PRKN: variants seen among roughly 807,000 people sequenced by gnomAD.
PRKN encodes the protein parkin RBR E3 ubiquitin protein ligase.
Under a neutral mutation model 59.5 loss-of-function variants are expected in PRKN, and 56 were observed. The observed-to-expected ratio is 0.94, with a 90% CI of 0.76 to 1.18. PRKN has a LOEUF of 1.18. PRKN is among the 50% of genes most tolerant of loss of function. PRKN has a pLI of 0.00. For synonymous variants in PRKN, 250 were observed against 222.1 expected, an observed-to-expected ratio of 1.13 and a Z score of -1.12; for missense variants, 657 against 596.4, an observed-to-expected ratio of 1.10 and a Z score of -1.06.
chr6:162,310,204 A>T (rs1782431668), intron 2 of PRKN, among the ~76,000 whole-genome samples: 1 of 152,164 alleles, frequency 6.6e-6, no homozygotes, highest in Non-Finnish European at 1.5e-5. Context: ...AACTTAGGAT[A>T]CTTCCCTCAT....
intron 1 of PRKN, among the ~76,000 whole-genome samples, chr6:162,627,625 T>TG (rs1255572544): frequency 6.6e-6 from 1 of 151,956 alleles, no homozygotes; most frequent in African/African-American, 2.4e-5. Context: ...AAGGGTAAAA[T>TG]GGGGCAGTTA....
intron 4 of PRKN, among the ~76,000 whole-genome samples, chr6:162,082,330 G>A (rs543701490): frequency 1.3e-5 from 2 of 152,148 alleles, no homozygotes; most frequent in Admixed American, 6.5e-5. Flanking sequence ...GGAACTGTAA[G>A]TGCATTCAAC....
At chr6:161,639,012 G>A (rs1783636633) in intron 7 of PRKN, among the ~76,000 whole-genome samples, 1 of 152,124 alleles carries the variant, frequency 6.6e-6, no homozygotes, top group Non-Finnish European at 1.5e-5. Flanking sequence ...AAAGTGCTGG[G>A]ATTACAGGCG....
At chr6:162,552,452 A>T (rs1779369814) in intron 1 of PRKN, among the ~76,000 whole-genome samples, 1 of 152,080 alleles carries the variant, frequency 6.6e-6, no homozygotes, top group Non-Finnish European at 1.5e-5. Flanking sequence ...ATTTCTGTGG[A>T]TGGATTGGAT....
At position 161,372,994 on chromosome 6, in the gene PRKN, A is replaced by T. The variant is rs751151210; in HGVS notation, c.1168-12789T>A. Among the ~76,000 whole-genome samples, 13 of 151,898 alleles carry T rather than the reference A, an allele frequency of 8.6e-5. No individual in the cohort carries two copies. In the South Asian group the frequency reaches 2.7e-3, roughly 32 times the overall value. ...CTGATCTTTAAAAAATATTTTTTGT[A>T]GAGATGGGGTCTCACTTTGTTGCCC... On this transcript the variant is annotated intron_variant, in intron 10 of 11. Transcript: ENST00000366898. This position sits in a 1 kb window ranked among gnomAD's most constrained non-coding sequence, Gnocchi z 4.2.
intron 5 of PRKN, among the ~76,000 whole-genome samples, chr6:161,976,421 G>T (rs1336093654): frequency 6.6e-6 from 1 of 152,204 alleles, no homozygotes; most frequent in African/African-American, 2.4e-5. Flanking sequence ...TGTCCAGTGT[G>T]TGTGATGGGC....
At chr6:161,430,996 C>T (rs1364080117) in intron 9 of PRKN, among the ~76,000 whole-genome samples, 2 of 151,210 alleles carry the variant, frequency 1.3e-5, no homozygotes, top group South Asian at 2.1e-4. Flanking sequence ...AAAATTAGCA[C>T]GGCACAGTGG....
chr6:161,958,182 A>G (rs1780252223), intron 6 of PRKN, among the ~76,000 whole-genome samples: 1 of 152,194 alleles, frequency 6.6e-6, no homozygotes, highest in South Asian at 2.1e-4. Flanking sequence ...AGACGCTTGC[A>G]TTTATTTTAA....
intron 3 of PRKN, among the ~76,000 whole-genome samples, chr6:162,244,858 G>A (rs1779136521): frequency 6.6e-6 from 1 of 151,972 alleles, no homozygotes; most frequent in Non-Finnish European, 1.5e-5. Flanking sequence ...ATATCTTTTA[G>A]CTATGACAGT....
At chr6:161,543,752 C>G (rs377377123) in intron 9 of PRKN, among the ~76,000 whole-genome samples, 6 of 151,892 alleles carry the variant, frequency 4.0e-5, no homozygotes, top group African/African-American at 1.5e-4. Context: ...CATGTAATAC[C>G]CCAAGATAAT....
Position 161,554,493 on chromosome 6 carries a change from T to G in PRKN, c.934-5490A>C, listed in dbSNP as rs1025786255. ...TTGATGTTTTCCCAGTAATTTTGAT[T>G]GCTTGAATCTTGTTCTCTAGTAAAT... On this transcript the variant is annotated intron_variant, in intron 8 of 11. Coordinates refer to ENST00000366898, the MANE Select transcript of PRKN (RefSeq NM_004562.3). This position sits in a 1 kb window ranked among gnomAD's most constrained non-coding sequence, Gnocchi z 4.5. 4.6e-5 allele frequency among the ~76,000 whole-genome samples: 7 copies of G among 151,972 alleles called. No individual in the cohort carries two copies. The South Asian group carries it at 6.2e-4, about 14-fold the overall frequency.
intron 6 of PRKN, among the ~76,000 whole-genome samples, chr6:161,800,747 A>C (rs756170132): frequency 2.6e-5 from 4 of 152,210 alleles, no homozygotes; most frequent in Non-Finnish European, 5.9e-5. Flanking sequence ...TCAGATATTT[A>C]GGAACTAAAA....
At chr6:161,855,333 T>C (rs952445263) in intron 6 of PRKN, among the ~76,000 whole-genome samples, 10 of 152,190 alleles carry the variant, frequency 6.6e-5, no homozygotes, top group Admixed American at 6.5e-4. Context: ...ACCTCATATA[T>C]CAGACATCTA....
chr6:162,335,537 T>C (rs139096858), intron 2 of PRKN, among the ~76,000 whole-genome samples: 437 of 152,328 alleles, frequency 2.9e-3, no homozygotes, highest in Middle Eastern at 0.01. Flanking sequence ...CCAGAGTTCA[T>C]TTTTTCTAAA....
At chr6:161,589,167 A>C (rs1781625846) in intron 7 of PRKN, among the ~76,000 whole-genome samples, 1 of 152,226 alleles carries the variant, frequency 6.6e-6, no homozygotes, top group Non-Finnish European at 1.5e-5. Flanking sequence ...ACACCAGCAG[A>C]TCTGAGCAGG....
intron 6 of PRKN, among the ~76,000 whole-genome samples, chr6:161,835,929 G>A (rs1020399643): frequency 6.6e-6 from 1 of 152,184 alleles, no homozygotes; most frequent in Non-Finnish European, 1.5e-5. Flanking sequence ...CGCATTTTCA[G>A]TTGTCTTAAA....
At chr6:162,605,105 G>A (rs1337684014) in intron 1 of PRKN, among the ~76,000 whole-genome samples, 1 of 152,096 alleles carries the variant, frequency 6.6e-6, no homozygotes, top group Non-Finnish European at 1.5e-5. Flanking sequence ...TTTTATAGGT[G>A]ATAGAGAATC....
intron 5 of PRKN, among the ~76,000 whole-genome samples, chr6:161,989,702 A>G (rs1429680003): frequency 6.6e-6 from 1 of 152,016 alleles, no homozygotes; most frequent in Non-Finnish European, 1.5e-5. Context: ...TCATCTGGAG[A>G]CCTGGGGATT....
At chr6:162,721,151 C>T (rs760738645) in intron 1 of PRKN, among the ~76,000 whole-genome samples, 1 of 152,200 alleles carries the variant, frequency 6.6e-6, no homozygotes, top group Non-Finnish European at 1.5e-5. Context: ...CGAAGACTGT[C>T]CTCTATTAAA....
Sources: allele counts gnomAD v4.1 joint callset (sites outside exome capture counted in the v4.1 genomes callset), GRCh38; gene constraint gnomAD v4.1.1; non-coding constraint Gnocchi (gnomAD v3.1); transcripts MANE v1.5; gene names NCBI Gene and HGNC (gene_info 2026-07-23, HGNC 2026-07-21).